Variants in SEC24B observed in about 807,000 individuals in gnomAD.
SEC24B encodes the protein SEC24 homolog B, COPII component.
Under a neutral mutation model 142.8 loss-of-function variants are expected in SEC24B, and 45 were observed. The observed-to-expected ratio is 0.32, with a 90% CI of 0.25 to 0.40. SEC24B has a LOEUF of 0.40. Ranked by LOEUF, SEC24B falls within the 10% of genes least tolerant of loss-of-function variation. SEC24B has a pLI of 1.00. For synonymous variants in SEC24B, 574 were observed against 568.2 expected (o/e 1.01, Z -0.15); for missense variants, 1,409 against 1,526.8 (o/e 0.92, Z 1.29).
At chr4:109,443,676 G>A (rs557009744) in intron 1 of SEC24B, among the ~76,000 whole-genome samples, 11 of 152,226 alleles carry the variant, frequency 7.2e-5, no homozygotes, top group Non-Finnish European at 1.5e-4. Flanking sequence ...CAGTAAAAGA[G>A]GAGAGGACTG....
At chr4:109,517,411 A>T (rs1403295790) in intron 11 of SEC24B, among the ~76,000 whole-genome samples, 1 of 152,182 alleles carries the variant, frequency 6.6e-6, no homozygotes, top group African/African-American at 2.4e-5. Context: ...AAAAAGGTAA[A>T]TCTCATAAAA....
At chr4:109,534,610 G>A (rs1226355659) in intron 22 of SEC24B, among the ~76,000 whole-genome samples, 1 of 151,988 alleles carries the variant, frequency 6.6e-6, no homozygotes, top group Non-Finnish European at 1.5e-5. Context: ...AAATTAAAAT[G>A]GGTAAGGCCT....
At chr4:109,523,672 G>A (rs1214739759) in intron 14 of SEC24B, among the ~76,000 whole-genome samples, 3 of 152,004 alleles carry the variant, frequency 2.0e-5, no homozygotes, top group Admixed American at 1.3e-4. Flanking sequence ...AAGTAGTTAT[G>A]AGTATGAATT....
intron 11 of SEC24B, among the ~76,000 whole-genome samples, chr4:109,517,821 A>G (rs552081430): frequency 1.1e-4 from 17 of 152,278 alleles, no homozygotes; most frequent in African/African-American, 4.1e-4. Flanking sequence ...TGAGCAAGGA[A>G]TTTTTTCCAT....
chr4:109,470,648 C>G (rs894501264), intron 2 of SEC24B, among the ~76,000 whole-genome samples: 2 of 152,138 alleles, frequency 1.3e-5, no homozygotes, highest in Non-Finnish European at 2.9e-5. Context: ...GGGACAAGTG[C>G]ATGAGTATTC....
At chr4:109,498,228 A>G (rs1735727752) in intron 6 of SEC24B, among the ~76,000 whole-genome samples, 2 of 152,278 alleles carry the variant, frequency 1.3e-5, no homozygotes, top group African/African-American at 4.8e-5. Flanking sequence ...TTTGAACACT[A>G]CTGTTTTAGG....
chr4:109,477,572 C>T (rs1240804583), intron 3 of SEC24B, among the ~76,000 whole-genome samples: 2 of 152,034 alleles, frequency 1.3e-5, no homozygotes, highest in Non-Finnish European at 2.9e-5. Flanking sequence ...GTGATTATCC[C>T]ACCTTGGCCT....
At chr4:109,441,282 G>T (rs1247373908) in intron 1 of SEC24B, among the ~76,000 whole-genome samples, 4 of 152,150 alleles carry the variant, frequency 2.6e-5, no homozygotes, top group Admixed American at 2.0e-4. Context: ...ATTTGAATTC[G>T]TATGAATTAG....
In SEC24B at chr4:109,433,969, C is replaced by T. The variant is rs2125882058; in HGVS notation, c.100C>T (p.Pro34Ser). ...CTCAGGAGCCGCAGCGCCCGCGGGC[C>T]CGGGTGCGGGCCCGGCGCCGCACCA... Reference protein sequence around the residue: ...AVSGAAAPAGPGAGPAPHQQN... With the variant: ...AVSGAAAPAGSGAGPAPHQQN... The change falls in exon 1 of 24, where the codon CCG becomes TCG. Residue 34 changes from proline (P) to serine (S), a missense_variant. Transcript: ENST00000265175. The T allele has an allele frequency of 1.6e-6, 2 of 1,225,408 alleles. No homozygotes were observed. The highest frequency in any genetic ancestry group is 8.9e-5 in the Admixed American group (2 of 22,504). The allele number at this position is 1,225,408 out of a possible 1,614,324, so 75.9% of individuals were successfully genotyped here.
rs555674054 is a variant in SEC24B, at chr4:109,490,321, A to T, written c.1166-1006A>T. 7.9e-5 allele frequency among the ~76,000 whole-genome samples: 12 copies of T among 152,212 alleles called. No homozygotes were observed. In the East Asian group the frequency reaches 2.1e-3, roughly 27 times the overall value. Reference sequence around the variant, plus strand: ...CCCTGAGTCGGTATACCTGATTCTCATGTTCATCTAAAATTATTCAATGAA... The same window carrying T: ...CCCTGAGTCGGTATACCTGATTCTCTTGTTCATCTAAAATTATTCAATGAA... On this transcript the variant is annotated intron_variant, in intron 4 of 23. Coordinates refer to ENST00000265175, the MANE Select transcript of SEC24B (RefSeq NM_006323.5).
intron 11 of SEC24B, among the ~76,000 whole-genome samples, chr4:109,519,660 C>A (rs1723394300): frequency 6.6e-6 from 1 of 152,230 alleles, no homozygotes; most frequent in African/African-American, 2.4e-5. Context: ...TACTGGTAAG[C>A]TGAACATCCA....
At chr4:109,455,994 A>C (rs1254895526) in intron 1 of SEC24B, among the ~76,000 whole-genome samples, 1 of 152,240 alleles carries the variant, frequency 6.6e-6, no homozygotes, top group Non-Finnish European at 1.5e-5. Context: ...CATAATATCA[A>C]GTCTTCTAAT....
chr4:109,451,491 A>C (rs1730085302), intron 1 of SEC24B, among the ~76,000 whole-genome samples: 1 of 151,916 alleles, frequency 6.6e-6, no homozygotes, highest in African/African-American at 2.4e-5. Flanking sequence ...TTTGTTGCTC[A>C]GATTATTGCA....
chr4:109,440,120 CAA>C (rs765506866), intron 1 of SEC24B, among the ~76,000 whole-genome samples: 30 of 92,492 alleles, frequency 3.2e-4, no homozygotes, highest in Admixed American at 5.7e-4. Context: ...GACTTCGTCG[CAA>C]AAAAAAAAAA....
At chr4:109,441,909 A>G (rs947980446) in intron 1 of SEC24B, among the ~76,000 whole-genome samples, 5 of 152,200 alleles carry the variant, frequency 3.3e-5, no homozygotes, top group Non-Finnish European at 5.9e-5. Flanking sequence ...TTTGCAGTTT[A>G]TGGAATGTAG....
chr4:109,475,655 T>G (rs1733033878), intron 3 of SEC24B, among the ~76,000 whole-genome samples: 1 of 152,160 alleles, frequency 6.6e-6, no homozygotes, highest in South Asian at 2.1e-4. Context: ...CTGGCTGACT[T>G]TTAAAACTGA....
chr4:109,513,917 C>A (rs1737653221), intron 10 of SEC24B, 61 bp downstream of exon 10: 2 of 1,079,582 alleles, frequency 1.9e-6, no homozygotes, highest in Non-Finnish European at 2.8e-6. Context: ...TTGTAATTTT[C>A]TGTTAAGTGA....
chr4:109,447,973 AT>A (rs1246358890), intron 1 of SEC24B, among the ~76,000 whole-genome samples: 54 of 152,232 alleles, frequency 3.5e-4, no homozygotes, highest in African/African-American at 1.3e-3. Context: ...CACTTTCTCC[AT>A]GTTCAAAGCC....
Position 109,433,913 on chromosome 4 carries a change from G to T in SEC24B, c.44G>T (p.Arg15Leu). ...TCCTCTCACCCGGCCGCCAGCGCCC[G>T]GATCCCGCCCAAGTTCGGCGGAGCG... ...AGSSHPAASA[R>L]IPPKFGGAAV... The change falls in exon 1 of 24, where the codon CGG becomes CTG. Residue 15 changes from arginine (R) to leucine (L), a missense_variant. Arg to Leu is a moderately radical substitution (Grantham distance 102, BLOSUM62 -2). Around this residue, in one of 2 missense-constraint regions of SEC24B, gnomAD observed 709 missense variants for 673.5 expected, o/e 1.05. Transcript: ENST00000265175. 7.5e-7 allele frequency: 1 copy of T among 1,332,226 alleles called. No homozygotes were observed. Among genetic ancestry groups the T allele is most frequent in the Non-Finnish European group, 9.6e-7 (1 of 1,039,122 alleles). 82.5% of individuals were successfully genotyped at this position (1,332,226 alleles called of 1,614,324 possible).
Sources: gnomAD v4.1 joint callset for allele counts (sites outside exome capture counted in the v4.1 genomes callset) on GRCh38, gnomAD v4.1.1 for gene constraint, gnomAD v4.1.1 regional missense constraint, MANE v1.5 for transcripts, NCBI Gene and HGNC (gene_info 2026-07-23, HGNC 2026-07-21) for gene names.